The following PPEF1 variants were observed in gnomAD, a reference collection of about 807,000 sequenced individuals.
PPEF1 encodes the protein protein phosphatase with EF-hand domain 1, also known as serine/threonine-protein phosphatase with EF-hands 1.
PPEF1 carries 12 observed loss-of-function variants against 53.3 expected under a neutral mutation model. The observed-to-expected ratio is 0.23, with a 90% CI of 0.14 to 0.36. The LOEUF (loss-of-function observed/expected upper bound fraction) is 0.36. PPEF1 is among the 10% of genes least tolerant of loss of function. The pLI is 1.00. For synonymous variants in PPEF1, 165 were observed against 176.7 expected (o/e 0.93, Z 0.52); for missense variants, 334 against 490.4 (o/e 0.68, Z 3.01).
At chrX:18,727,886 AG>A (rs2044744154) in intron 1 of PPEF1, among the ~76,000 whole-genome samples, 1 of 111,996 alleles carries the variant, frequency 8.9e-6, no homozygotes, top group East Asian at 2.8e-4. Flanking sequence ...GGGCGAGGCA[AG>A]GGGGAAGGGG....
upstream of PPEF1, among the ~76,000 whole-genome samples, chrX:18,707,490 C>G (rs186162061): frequency 4.2e-4 from 47 of 112,482 alleles, no homozygotes; most frequent in Non-Finnish European, 8.3e-4. Context: ...GTAGCTGCTG[C>G]TGTGTTTTGG....
chrX:18,779,672 A>T (rs2046044975), intron 7 of PPEF1, among the ~76,000 whole-genome samples: 1 of 112,697 alleles, frequency 8.9e-6, no homozygotes, highest in Non-Finnish European at 1.9e-5. Flanking sequence ...CAGCATTTCA[A>T]CTATCTAACT....
intron 1 of PPEF1, among the ~76,000 whole-genome samples, chrX:18,684,490 C>T (rs1262128706): frequency 9.0e-6 from 1 of 111,455 alleles, no homozygotes; most frequent in East Asian, 2.8e-4. Flanking sequence ...CAATCACCCA[C>T]GATCACTTTC....
At chrX:18,690,192 C>T (rs986751927) in intron 3 of PPEF1, among the ~76,000 whole-genome samples, 1 of 110,819 alleles carries the variant, frequency 9.0e-6, no homozygotes, top group Admixed American at 9.7e-5. Flanking sequence ...AGATGCTCAA[C>T]AAATATTTAT....
intron 3 of PPEF1, among the ~76,000 whole-genome samples, chrX:18,735,121 CTTTAG>C (rs1464594510): frequency 2.7e-5 from 3 of 111,662 alleles, no homozygotes; most frequent in Admixed American, 9.5e-5. Context: ...TGCGGAAGCT[CTTTAG>C]TTTAATTAGA....
At chrX:18,689,040 G>A (rs1244504806) in intron 3 of PPEF1, 1 of 111,102 alleles carries the variant, frequency 9.0e-6, no homozygotes, top group Non-Finnish European at 1.9e-5. Flanking sequence ...CCGTCCTAAG[G>A]TCTGTGTTTA....
At chrX:18,791,809 C>A (rs924035460) in intron 10 of PPEF1, among the ~76,000 whole-genome samples, 7 of 111,959 alleles carry the variant, frequency 6.3e-5, no homozygotes, top group South Asian at 7.4e-4. Flanking sequence ...ATGATATTAG[C>A]TGTGTATTTG....
chrX:18,733,685 A>G, intron 2 of PPEF1, 63 bp from the exon 3 acceptor site: 1 of 955,327 alleles, frequency 1.0e-6, no homozygotes, highest in East Asian at 3.3e-5. Flanking sequence ...GAACACCAAC[A>G]GCATTTGTCA....
intron 1 of PPEF1, among the ~76,000 whole-genome samples, chrX:18,718,770 C>T (rs751184103): frequency 1.9e-4 from 21 of 111,988 alleles, no homozygotes; most frequent in Non-Finnish European, 3.8e-4. Flanking sequence ...AGACCTATTG[C>T]AACTAAGTGC....
chrX:18,774,587 G>A (rs1160105831), intron 6 of PPEF1, among the ~76,000 whole-genome samples: 21 of 112,078 alleles, frequency 1.9e-4, no homozygotes, highest in Admixed American at 9.4e-4. Flanking sequence ...TGCTGTTTTT[G>A]TGATGTTAAA....
intron 11 of PPEF1, among the ~76,000 whole-genome samples, chrX:18,804,877 G>C (rs752762813): frequency 8.9e-6 from 1 of 112,254 alleles, no homozygotes; most frequent in African/African-American, 3.2e-5. Context: ...CACTAAAACG[G>C]AGTGTGTTGT....
At chrX:18,807,770 C>T (rs1402669392) in intron 12 of PPEF1, among the ~76,000 whole-genome samples, 6 of 110,625 alleles carry the variant, frequency 5.4e-5, no homozygotes, top group Non-Finnish European at 1.1e-4. Context: ...AGTGATTCTC[C>T]TGTCTCAGCC....
intron 4 of PPEF1, among the ~76,000 whole-genome samples, chrX:18,694,483 G>A (rs1929603497): frequency 9.0e-6 from 1 of 111,731 alleles, no homozygotes; most frequent in African/African-American, 3.3e-5. Flanking sequence ...GGGCACAGTG[G>A]CTCACGCCTA....
chrX:18,734,409 C>G (rs1435628743), intron 3 of PPEF1, among the ~76,000 whole-genome samples: 1 of 109,006 alleles, frequency 9.2e-6, no homozygotes, highest in African/African-American at 3.3e-5. Context: ...ATAGTTTGCT[C>G]AGAATGATGG....
At chrX:18,709,502 G>T (rs546759093) in intron 1 of PPEF1, among the ~76,000 whole-genome samples, 17 of 101,092 alleles carry the variant, frequency 1.7e-4, no homozygotes, top group East Asian at 6.3e-4. Flanking sequence ...TTTGTTTTTT[G>T]TTTTTTGTTT....
At chrX:18,685,954 C>T (rs770401910) in intron 2 of PPEF1, among the ~76,000 whole-genome samples, 1 of 110,889 alleles carries the variant, frequency 9.0e-6, no homozygotes, top group East Asian at 2.8e-4. Flanking sequence ...AATGAATTCA[C>T]ACAACTGAAA....
chrX:18,792,976 TCATAGCTG>T (rs1207375889), intron 10 of PPEF1, among the ~76,000 whole-genome samples: 1 of 110,398 alleles, frequency 9.1e-6, no homozygotes, highest in African/African-American at 3.3e-5. Flanking sequence ...ATATTTCCTG[TCATAGCTG>T]AAGTGTGAAC....
exon 1 of PPEF1, chrX:18,675,960 G>GTGGC (rs1255839946): frequency 2.1e-5 from 2 of 95,078 alleles, no homozygotes; most frequent in African/African-American, 7.8e-5. Flanking sequence ...TTTGGGCGGG[G>GTGGC]GGGGGGGGGC....
At chrX:18,731,741 G>A (rs189892802) in intron 2 of PPEF1, among the ~76,000 whole-genome samples, 32 of 111,620 alleles carry the variant, frequency 2.9e-4, no homozygotes, top group Admixed American at 9.6e-4. Context: ...CCTAAACTCC[G>A]TACCCATTAG....
Sources: gnomAD v4.1 joint callset for allele counts (sites outside exome capture counted in the v4.1 genomes callset) on GRCh38, gnomAD v4.1.1 for gene constraint, MANE v1.5 for transcripts, NCBI Gene and HGNC (gene_info 2026-07-23, HGNC 2026-07-21) for gene names.